The following DNAH2 variants were observed in gnomAD, a reference collection of about 807,000 sequenced individuals.
The protein encoded by DNAH2 is dynein axonemal heavy chain 2, also known as axonemal beta dynein heavy chain 2.
A neutral mutation model predicts 523.5 loss-of-function variants in DNAH2; 323 were observed. The ratio of observed to expected loss-of-function variants is 0.62; its 90% confidence interval spans 0.56 to 0.68. The LOEUF is 0.68. DNAH2 is among the 30% of genes least tolerant of loss of function. The pLI is 0.00. For missense variants in DNAH2, 4,907 were observed against 5,701.5 expected, an observed-to-expected ratio of 0.86 and a Z score of 4.49; for synonymous variants, 2,093 against 2,177.4, an observed-to-expected ratio of 0.96 and a Z score of 1.08.
intron 63 of DNAH2, among the ~76,000 whole-genome samples, chr17:7,815,605 C>G (rs184968555): frequency 4.0e-5 from 6 of 151,474 alleles, no homozygotes; most frequent in Non-Finnish European, 8.8e-5. Context: ...GGATCACATA[C>G]ACATACAGGA....
intron 5 of DNAH2, 78 bp downstream of exon 5, chr17:7,733,393 G>A (rs1485602660): frequency 2.4e-5 from 34 of 1,400,926 alleles, no homozygotes; most frequent in Admixed American, 7.4e-5. Context: ...TGGGTCCTTC[G>A]TCTGAGCACC....
Position 7,818,946 on chromosome 17 carries a change from G to A in DNAH2, c.10698G>A (p.Leu3566=), listed in dbSNP as rs774439545. 2 of 1,612,306 alleles carry A rather than the reference G, an allele frequency of 1.2e-6. No individual in the cohort carries two copies. Among genetic ancestry groups the A allele is most frequent in the African/African-American group, 1.3e-5 (1 of 74,906 alleles). The change falls in exon 71 of 86, where the codon CTG becomes CTA. Residue 3566 remains leucine (L), a synonymous_variant. Coordinates refer to ENST00000572933, the MANE Select transcript of DNAH2 (RefSeq NM_020877.5). ...LRLLNEATGS[L]LDDVQLVNTL... Reference sequence around the variant, plus strand: ...TGCTGAATGAGGCCACCGGCTCCCTGCTGGATGATGTGCAGCTGGTGAACA... The same window carrying A: ...TGCTGAATGAGGCCACCGGCTCCCTACTGGATGATGTGCAGCTGGTGAACA...
intron 63 of DNAH2, among the ~76,000 whole-genome samples, chr17:7,813,109 A>G (rs769684056): frequency 3.4e-4 from 51 of 152,194 alleles, no homozygotes; most frequent in Non-Finnish European, 6.3e-4. Context: ...TAGGAGGAAG[A>G]TCTTTCATAT....
rs200872109 is a variant in DNAH2, at chr17:7,805,359, C to G, written c.9408C>G (p.Asn3136Lys). Reference protein sequence around the residue: ...VMQAVMILRGNEPTWAEAKRQ... With the variant: ...VMQAVMILRGKEPTWAEAKRQ... ...AGGCAGTTATGATTCTTCGAGGCAA[C>G]GAGCCCACATGGGCAGAGGCCAAGA... The change falls in exon 61 of 86, where the codon AAC becomes AAG. Residue 3136 changes from asparagine (N) to lysine (K), a missense_variant. Asn to Lys is a moderately conservative substitution (Grantham distance 94). Around this residue, in one of 3 missense-constraint regions of DNAH2, gnomAD observed 1,851 missense variants for 2,139.4 expected, o/e 0.87. Coordinates refer to ENST00000572933, the MANE Select transcript of DNAH2 (RefSeq NM_020877.5). 6.2e-7 allele frequency: 1 copy of G among 1,614,236 alleles called. No homozygotes were observed. The highest frequency in any genetic ancestry group is 8.5e-7 in the Non-Finnish European group (1 of 1,180,048).
At position 7,787,327 on chromosome 17, in the gene DNAH2, C is replaced by T. The variant is rs146687245; in HGVS notation, c.6603+294C>T. 920 of 485,322 alleles carry T rather than the reference C, an allele frequency of 1.9e-3. 1 individual carries two copies. The highest frequency in any genetic ancestry group is 2.7e-3 in the Non-Finnish European group (729 of 272,724). 30.1% of individuals were successfully genotyped at this position (485,322 alleles called of 1,614,324 possible). A position where few individuals can be genotyped will look rare whatever the true frequency, so the allele number is the denominator to read the frequency against. On this transcript the variant is annotated intron_variant, in intron 42 of 85. Transcript: ENST00000572933. Reference sequence around the variant, plus strand: ...ATGAGGCAGGACCCTCGTTTGTGCACCCAGAGGTATGAATTCACGGACTGG... The same window carrying T: ...ATGAGGCAGGACCCTCGTTTGTGCATCCAGAGGTATGAATTCACGGACTGG...
chr17:7,767,754 A>G (rs2076208734), intron 22 of DNAH2, 146 bp from the exon 23 acceptor site: 2 of 985,226 alleles, frequency 2.0e-6, no homozygotes, highest in African/African-American at 1.6e-5. Flanking sequence ...AAGGCAACAG[A>G]GTGGAGAAAA....
Position 7,831,181 on chromosome 17 carries a change from A to G in DNAH2, c.12326A>G (p.Glu4109Gly). 2 of 1,614,172 alleles carry G rather than the reference A, an allele frequency of 1.2e-6. No individual in the cohort carries two copies. Among genetic ancestry groups the G allele is most frequent in the Non-Finnish European group, 1.7e-6 (2 of 1,180,032 alleles). The part of the protein sequence containing the change: ...ISLLPGMDPP[E>G]AFGQHPNADV... ...TTATTGCCTGGCATGGACCCCCCTGAGGCCTTTGGCCAGCACCCCAATGCT... is the reference window on the plus strand; with the variant it reads ...TTATTGCCTGGCATGGACCCCCCTGGGGCCTTTGGCCAGCACCCCAATGCT... Residue 4109 changes from glutamate to glycine, a missense_variant, in exon 80 of 86, where the codon GAG becomes GGG. Around this residue, in one of 3 missense-constraint regions of DNAH2, gnomAD observed 1,851 missense variants for 2,139.4 expected, o/e 0.87. Coordinates refer to ENST00000572933, the MANE Select transcript of DNAH2 (RefSeq NM_020877.5). This position sits in a 1 kb window ranked among gnomAD's most constrained non-coding sequence, Gnocchi z 4.2.
intron 35 of DNAH2, 129 bp from the exon 36 acceptor site, chr17:7,779,114 C>A: frequency 9.6e-7 from 1 of 1,045,814 alleles, no homozygotes; most frequent in East Asian, 2.6e-5. Flanking sequence ...CTCTGGTGCC[C>A]TCCTCCCTGC....
chr17:7,791,706 G>A (rs973506715), intron 44 of DNAH2, among the ~76,000 whole-genome samples: 1 of 152,196 alleles, frequency 6.6e-6, no homozygotes, highest in Non-Finnish European at 1.5e-5. Flanking sequence ...AGGAAGCTCA[G>A]GGCAACTGCT....
chr17:7,793,321 G>A, intron 48 of DNAH2, 116 bp downstream of exon 48: 1 of 1,072,074 alleles, frequency 9.3e-7, no homozygotes. Context: ...TTCCCACACA[G>A]GAGCGTCCTT....
At chr17:7,733,721 C>T (rs975955227) in intron 5 of DNAH2, among the ~76,000 whole-genome samples, 2 of 152,032 alleles carry the variant, frequency 1.3e-5, no homozygotes, top group Admixed American at 6.6e-5. Context: ...TCATGATCCA[C>T]CCGCCTTGGC....
At chr17:7,750,527 G>GT (rs1454046678) in intron 12 of DNAH2, among the ~76,000 whole-genome samples, 1 of 152,074 alleles carries the variant, frequency 6.6e-6, no homozygotes, top group Non-Finnish European at 1.5e-5. Flanking sequence ...AATCTTTTGA[G>GT]TTTTTGCATG....
intron 12 of DNAH2, among the ~76,000 whole-genome samples, chr17:7,756,481 G>T (rs904569515): frequency 1.2e-4 from 18 of 151,538 alleles, no homozygotes; most frequent in African/African-American, 3.9e-4. Context: ...TCACTATGTT[G>T]CCCAGGCTGG....
chr17:7,790,982 C>T (rs1272235051), intron 44 of DNAH2, among the ~76,000 whole-genome samples: 2 of 152,334 alleles, frequency 1.3e-5, no homozygotes, highest in South Asian at 4.2e-4. Context: ...GCTGGGATTA[C>T]AGTCATGAGC....
At chr17:7,727,754 C>CAAAAAAAAAAAA (rs766811062) in intron 4 of DNAH2, among the ~76,000 whole-genome samples, 52 of 48,964 alleles carry the variant, frequency 1.1e-3, no homozygotes, top group African/African-American at 4.3e-3. Context: ...GACTCTGTCT[C>CAAAAAAAAAAAA]AAAAAAAAAA....
chr17:7,801,740 A>C, intron 57 of DNAH2, 30 bp downstream of exon 57: 1 of 1,612,256 alleles, frequency 6.2e-7, no homozygotes, highest in Non-Finnish European at 8.5e-7. Context: ...CTCTCATTGC[A>C]TCCCTGGCCT....
At chr17:7,746,047 C>A (rs1374433074) in intron 12 of DNAH2, among the ~76,000 whole-genome samples, 1 of 152,174 alleles carries the variant, frequency 6.6e-6, no homozygotes, top group Non-Finnish European at 1.5e-5. Context: ...GCTGATGACT[C>A]ACGCAAAGGT....
intron 20 of DNAH2, among the ~76,000 whole-genome samples, chr17:7,765,046 A>G (rs2076123691): frequency 6.6e-6 from 1 of 152,084 alleles, no homozygotes; most frequent in African/African-American, 2.4e-5. Context: ...GGCGTGAGCC[A>G]CCACACCCGG....
Position 7,787,043 on chromosome 17 carries a change from G to T in DNAH2, c.6603+10G>T. 2 of 1,613,644 alleles carry T rather than the reference G, an allele frequency of 1.2e-6. No individual in the cohort carries two copies. The highest frequency in any genetic ancestry group is 1.7e-6 in the Non-Finnish European group (2 of 1,179,936). ...CGCGATGCCCGAGCAGGTCAGGGACGCGGCTGACTCCTGGAGGCCTGCAGA... is the reference window on the plus strand; with the variant it reads ...CGCGATGCCCGAGCAGGTCAGGGACTCGGCTGACTCCTGGAGGCCTGCAGA... On this transcript the variant is annotated intron_variant, in intron 42 of 85. Coordinates refer to ENST00000572933, the MANE Select transcript of DNAH2 (RefSeq NM_020877.5).
Sources: allele counts gnomAD v4.1 joint callset (sites outside exome capture counted in the v4.1 genomes callset), GRCh38; gene constraint gnomAD v4.1.1; regional missense constraint gnomAD v4.1.1; non-coding constraint Gnocchi (gnomAD v3.1); transcripts MANE v1.5; gene names NCBI Gene and HGNC (gene_info 2026-07-23, HGNC 2026-07-21).